The following VAV2 variants were observed in gnomAD, a reference collection of about 807,000 sequenced individuals.
VAV2 encodes the protein guanine nucleotide exchange factor VAV2.
Under a neutral mutation model 132.5 loss-of-function variants are expected in VAV2, and 67 were observed. That is an observed-to-expected ratio of 0.51 (90% confidence interval 0.42 to 0.62). The LOEUF is 0.62. Ranked by LOEUF, VAV2 falls within the 20% of genes least tolerant of loss-of-function variation. The pLI is 0.00. For missense variants in VAV2, 938 were observed against 1,153.6 expected (o/e 0.81, Z 2.71); for synonymous variants, 492 against 443.5 (o/e 1.11, Z -1.37).
intron 9 of VAV2, among the ~76,000 whole-genome samples, chr9:133,799,870 C>G (rs956263548): frequency 2.0e-5 from 3 of 152,130 alleles, no homozygotes; most frequent in African/African-American, 7.2e-5. Flanking sequence ...CCGGACAGCC[C>G]GAAAGTGAGC....
intron 3 of VAV2, among the ~76,000 whole-genome samples, chr9:133,858,356 A>G (rs1457502575): frequency 6.6e-6 from 1 of 152,176 alleles, no homozygotes; most frequent in African/African-American, 2.4e-5. Flanking sequence ...TTGGGTGGCA[A>G]TGTTCTGTGG....
rs759792457 is a variant in VAV2, at chr9:133,791,827, T to C, written c.1144A>G (p.Thr382Ala). The change falls in exon 13 of 30, where the codon ACC (threonine) becomes GCC (alanine). Residue 382 changes from threonine to alanine, a missense_variant. Physicochemically the swap from Thr to Ala is moderately conservative, Grantham distance 58. Transcript: ENST00000371850. The stretch of plus-strand genomic sequence containing the variant: ...TGAAATTCGCTGATTTTCCTCAAGG[T>C]CTCCTTGTCCCGTTTAACTTCATTG... ...YINEVKRDKE[T>A]LRKISEFQSS... 6.2e-7 allele frequency: 1 copy of C among 1,613,762 alleles called. No homozygotes were observed. Among genetic ancestry groups the C allele is most frequent in the Non-Finnish European group, 8.5e-7 (1 of 1,179,952 alleles).
chr9:133,789,364 C>G (rs553610570), intron 13 of VAV2, 21 bp from the exon 14 acceptor site: 3 of 1,613,128 alleles, frequency 1.9e-6, no homozygotes, highest in Non-Finnish European at 2.5e-6. Flanking sequence ...GGAGAGGGGC[C>G]GTCAGCCGGG....
intron 17 of VAV2, 147 bp from the exon 18 acceptor site, chr9:133,784,565 C>A: frequency 1.2e-6 from 1 of 819,694 alleles, no homozygotes; most frequent in East Asian, 2.5e-5. Flanking sequence ...CTGCCCGCAA[C>A]ATGGGGCAGA....
At position 133,991,619 on chromosome 9, in the gene VAV2, GCCGCGCCCCGGGCCGGCGCAGCGA is replaced by G. The variant is rs1188089620; in HGVS notation, c.204+432_204+455del. ...CCCCGCGCCCCTCCCGGGCCCTCCAGCCGCGCCCCGGGCCGGCGCAGCGACCGCGCCCGCTCTTCCACCGGCGTC... is the reference window on the plus strand; with the variant it reads ...CCCCGCGCCCCTCCCGGGCCCTCCAGCCGCGCCCGCTCTTCCACCGGCGTC... On this transcript the variant is annotated intron_variant, in intron 1 of 29. Coordinates refer to ENST00000371850, the MANE Select transcript of VAV2 (RefSeq NM_001134398.2). This position sits in a 1 kb window ranked among gnomAD's most constrained non-coding sequence, Gnocchi z 4.8. 6.6e-6 allele frequency among the ~76,000 whole-genome samples: 1 copy of G among 151,438 alleles called. No individual in the cohort carries two copies. The highest frequency in any genetic ancestry group is 6.6e-5 in the Admixed American group (1 of 15,186).
At chr9:133,895,953 T>A (rs1410791465) in intron 2 of VAV2, among the ~76,000 whole-genome samples, 2 of 82,242 alleles carry the variant, frequency 2.4e-5, no homozygotes, top group African/African-American at 1.1e-4. Context: ...TTTTTTTAAT[T>A]GATCATTCTT....
At chr9:133,851,839 A>G (rs1378138039) in intron 3 of VAV2, among the ~76,000 whole-genome samples, 7 of 131,864 alleles carry the variant, frequency 5.3e-5, no homozygotes, top group Non-Finnish European at 9.3e-5. Context: ...ATGGATGCAC[A>G]AATGGGTGGA....
At chr9:133,783,632 C>G (rs370809185) in intron 18 of VAV2, 41 bp from the exon 19 acceptor site, 1 of 1,597,532 alleles carries the variant, frequency 6.3e-7, no homozygotes. Flanking sequence ...AGGCTGGGGT[C>G]GGCTCCTCAT....
At chr9:133,990,060 T>A (rs1203141594) in intron 1 of VAV2, among the ~76,000 whole-genome samples, 1 of 152,220 alleles carries the variant, frequency 6.6e-6, no homozygotes, top group Non-Finnish European at 1.5e-5. Flanking sequence ...GGGACTGCTA[T>A]GACTGTTCTC....
intron 2 of VAV2, among the ~76,000 whole-genome samples, chr9:133,896,189 TTAC>T (rs1839195622): frequency 6.6e-6 from 1 of 152,232 alleles, no homozygotes; most frequent in African/African-American, 2.4e-5. Flanking sequence ...GCGCAGTGGC[TTAC>T]GCCTATAATC....
intron 1 of VAV2, among the ~76,000 whole-genome samples, chr9:133,981,216 T>G (rs1360922381): frequency 6.6e-6 from 1 of 152,108 alleles, no homozygotes; most frequent in Non-Finnish European, 1.5e-5. Context: ...ATCTCAGACT[T>G]AGGTGTTGTA....
At chr9:133,825,491 C>A (rs1367500081) in intron 4 of VAV2, among the ~76,000 whole-genome samples, 1 of 152,178 alleles carries the variant, frequency 6.6e-6, no homozygotes, top group Non-Finnish European at 1.5e-5. Context: ...AAACTTGTCC[C>A]CTTTGGAAAA....
chr9:133,870,536 T>C (rs1376131095), intron 2 of VAV2, among the ~76,000 whole-genome samples: 1 of 152,204 alleles, frequency 6.6e-6, no homozygotes, highest in East Asian at 1.9e-4. Flanking sequence ...CCCAAATATA[T>C]ACTTCCTCAT....
rs73662322 is a variant in VAV2, at chr9:133,879,122, C to T, written c.322-17690G>A. On this transcript the variant is annotated intron_variant, in intron 2 of 29. Transcript: ENST00000371850. The surrounding 1 kb of genome is among the most constrained non-coding windows in gnomAD (Gnocchi z 4.4). The stretch of plus-strand genomic sequence containing the variant: ...CCGGGCCGGGCTTGTGCTGCTGAAC[C>T]TGGCTCTGGACCCCGTCTCAGCTGC... Among the ~76,000 whole-genome samples, 254 of 152,336 alleles carry T rather than the reference C, an allele frequency of 1.7e-3. No homozygotes were observed. Among genetic ancestry groups the T allele is most frequent in the African/African-American group, 5.7e-3 (236 of 41,574 alleles).
intron 1 of VAV2, among the ~76,000 whole-genome samples, chr9:133,983,969 G>C (rs1842777952): frequency 6.6e-6 from 1 of 152,044 alleles, no homozygotes; most frequent in Non-Finnish European, 1.5e-5. Context: ...CTGTTTCTGT[G>C]AGTTTTTTGT....
At chr9:133,866,097 T>C (rs1837786938) in intron 2 of VAV2, among the ~76,000 whole-genome samples, 1 of 152,130 alleles carries the variant, frequency 6.6e-6, no homozygotes, top group Admixed American at 6.5e-5. Context: ...ACCTCCACCA[T>C]GATGCAACCC....
rs1388390602 is a variant in VAV2 at position 133,969,093 on chromosome 9, T to A, written c.204+22982A>T. ...CGGGTGTCGGTGAAAGCCGTCTAGT[T>A]GCCTGAGATGAATCCCACATGCCGG... On this transcript the variant is annotated intron_variant, in intron 1 of 29. Transcript: ENST00000371850. The surrounding 1 kb of genome is among the most constrained non-coding windows in gnomAD (Gnocchi z 5.1). Among the ~76,000 whole-genome samples the A allele has an allele frequency of 6.6e-6, 1 of 151,224 alleles. No homozygotes were observed. The highest frequency in any genetic ancestry group is 6.6e-5 in the Admixed American group (1 of 15,204).
At chr9:133,887,113 C>G (rs921757844) in intron 2 of VAV2, among the ~76,000 whole-genome samples, 2 of 152,150 alleles carry the variant, frequency 1.3e-5, no homozygotes, top group African/African-American at 4.8e-5. Context: ...GCAGGCCCCA[C>G]GCAGAAATCG....
At chr9:133,810,284 T>C in intron 5 of VAV2, 79 bp from the exon 6 acceptor site, 1 of 1,598,354 alleles carries the variant, frequency 6.3e-7, no homozygotes, top group Non-Finnish European at 8.5e-7. Flanking sequence ...GCCTGGGACA[T>C]CAGGAACGCC....
Sources: allele counts gnomAD v4.1 joint callset (sites outside exome capture counted in the v4.1 genomes callset), GRCh38; gene constraint gnomAD v4.1.1; non-coding constraint Gnocchi (gnomAD v3.1); transcripts MANE v1.5; gene names NCBI Gene and HGNC (gene_info 2026-07-23, HGNC 2026-07-21).